PTPRN: variants seen among roughly 807,000 people sequenced by gnomAD.
The protein encoded by PTPRN is receptor-type tyrosine-protein phosphatase-like N.
In PTPRN, 70 loss-of-function variants were observed where a neutral mutation model predicts 108.5. The observed-to-expected ratio is 0.65, with a 90% CI of 0.53 to 0.79. The LOEUF is 0.79. Among genes scored for constraint, PTPRN ranks in the 30% least tolerant of loss-of-function variants. The probability of loss-of-function intolerance (pLI) is 0.00; values close to 1 mark genes in which losing one functional copy is unlikely to be tolerated. For missense variants in PTPRN, 1,136 were observed against 1,295.5 expected (o/e 0.88, Z 1.89); for synonymous variants, 496 against 524.6 (o/e 0.95, Z 0.75).
At position 219,290,786 on chromosome 2, in the gene PTPRN, A is replaced by C. The variant is rs753141948; in HGVS notation, c.2794+40T>G. On this transcript the variant is annotated intron_variant, in intron 21 of 22. Coordinates refer to ENST00000295718, the MANE Select transcript of PTPRN (RefSeq NM_002846.4). This position sits in a 1 kb window ranked among gnomAD's most constrained non-coding sequence, Gnocchi z 4.2. ...CCTGTGTGCTGGGGAGCCTCTAAAA[A>C]GGGCCTGGGGGCTGCGGGCACCGTG... 2.5e-6 allele frequency: 4 copies of C among 1,599,894 alleles called. No individual in the cohort carries two copies. The South Asian group carries it at 4.4e-5, about 18-fold the overall frequency.
intron 1 of PTPRN, chr2:219,308,343 C>G (rs1282639355): frequency 5.6e-6 from 1 of 177,246 alleles, no homozygotes; most frequent in African/African-American, 2.4e-5. Context: ...TGCTGAAGCT[C>G]TGAGTCTGGC....
At chr2:219,303,648 A>G (rs1952412640) in intron 4 of PTPRN, 87 bp downstream of exon 4, 1 of 1,320,660 alleles carries the variant, frequency 7.6e-7, no homozygotes, top group Non-Finnish European at 1.1e-6. Context: ...CTTGGTGCCC[A>G]CTTCCTTCCC....
rs562791333 is a variant in PTPRN at position 219,300,831 on chromosome 2, A to G, written c.1161+112T>C. 1.4e-5 allele frequency: 18 copies of G among 1,268,408 alleles called. No homozygotes were observed. In the African/African-American group the frequency reaches 2.5e-4, roughly 18 times the overall value. 78.6% of individuals were successfully genotyped at this position (1,268,408 alleles called of 1,614,324 possible). On this transcript the variant is annotated intron_variant, in intron 8 of 22. Coordinates refer to ENST00000295718, the MANE Select transcript of PTPRN (RefSeq NM_002846.4). ...GGTCTCTGGGCCTTGGTTTCCCCCA[A>G]AATGAGGGGTGGGAGGATACAGATT...
At position 219,296,232 on chromosome 2, in the gene PTPRN, T is replaced by C. The variant is rs1317061308; in HGVS notation, c.2502A>G (p.Val834=). Residue 834 remains valine (V), a synonymous_variant, in exon 18 of 23, where the codon GTA becomes GTG. Coordinates refer to ENST00000295718, the MANE Select transcript of PTPRN (RefSeq NM_002846.4). This position sits in a 1 kb window ranked among gnomAD's most constrained non-coding sequence, Gnocchi z 6.0. Reference sequence around the variant, plus strand: ...GCTGTGGGGCCCTGCTGACCTCATATACGTGGTAGAGGGAGGCACCCTCAT... The same window carrying C: ...GCTGTGGGGCCCTGCTGACCTCATACACGTGGTAGAGGGAGGCACCCTCAT... ...WPDEGASLYH[V]YEVNLVSEHI... 3.1e-6 allele frequency: 5 copies of C among 1,614,194 alleles called. No homozygotes were observed. The highest frequency in any genetic ancestry group is 1.6e-4 in the Middle Eastern group (1 of 6,062).
At chr2:219,303,874 G>A in intron 3 of PTPRN, 43 bp from the exon 4 acceptor site, 1 of 1,502,692 alleles carries the variant, frequency 6.7e-7, no homozygotes, top group Non-Finnish European at 9.1e-7. Context: ...AGGAGTCTGG[G>A]GATCCAGTAA....
Position 219,295,114 on chromosome 2 carries a change from A to G in PTPRN, c.2536T>C (p.Cys846Arg), listed in dbSNP as rs1209845013. 1.2e-6 allele frequency: 2 copies of G among 1,612,472 alleles called. No individual in the cohort carries two copies. Among genetic ancestry groups the G allele is most frequent in the Admixed American group, 1.7e-5 (1 of 59,876 alleles). Reference sequence around the variant, plus strand: ...AAGCTCCGCACCAGAAAGTCCTCGCACCAGATGTGCTCCGACACCAGGTTC... The same window carrying G: ...AAGCTCCGCACCAGAAAGTCCTCGCGCCAGATGTGCTCCGACACCAGGTTC... ...EVNLVSEHIW[C>R]EDFLVRSFYL... Residue 846 changes from cysteine (C) to arginine (R), a missense_variant, in exon 19 of 23, where the codon TGC becomes CGC. Cys to Arg is a radical substitution (Grantham distance 180, BLOSUM62 -3). Coordinates refer to ENST00000295718, the MANE Select transcript of PTPRN (RefSeq NM_002846.4).
At chr2:219,309,153 T>C in intron 1 of PTPRN, 65 bp downstream of exon 1, 2 of 1,387,790 alleles carry the variant, frequency 1.4e-6, no homozygotes, top group South Asian at 2.5e-5. Context: ...CCCCACCGAG[T>C]TTCGCTCCAG....
At chr2:219,291,664 GC>G in intron 19 of PTPRN, 141 bp from the exon 20 acceptor site, 1 of 882,342 alleles carries the variant, frequency 1.1e-6, no homozygotes, top group Non-Finnish European at 1.8e-6. Flanking sequence ...GGAGAAAGGA[GC>G]CAGGGCTGGA....
rs997263948 is a variant in PTPRN at position 219,299,533 on chromosome 2, G to A, written c.1524-149C>T. 2.6e-6 allele frequency: 3 copies of A among 1,141,192 alleles called. No individual in the cohort carries two copies. In the African/African-American group the frequency reaches 4.6e-5, roughly 18 times the overall value. 70.7% of individuals were successfully genotyped at this position (1,141,192 alleles called of 1,614,324 possible). A position where few individuals can be genotyped will look rare whatever the true frequency, so the allele number is the denominator to read the frequency against. On this transcript the variant is annotated intron_variant, in intron 10 of 22. Coordinates refer to ENST00000295718, the MANE Select transcript of PTPRN (RefSeq NM_002846.4). ...GGGCATCTTAGGCAAGGAAGATGCT[G>A]GGTGGGGCCAGCAACGGGCTGGGTG...
chr2:219,304,014 A>G (rs567011442), intron 3 of PTPRN, 183 bp from the exon 4 acceptor site: 13 of 465,278 alleles, frequency 2.8e-5, no homozygotes, highest in African/African-American at 1.0e-4. Context: ...TATTGGAGCC[A>G]GACCACCTGG....
intron 4 of PTPRN, 127 bp from the exon 5 acceptor site, chr2:219,302,964 G>A (rs1480026199): frequency 1.8e-6 from 2 of 1,131,360 alleles, no homozygotes; most frequent in Admixed American, 2.9e-5. Flanking sequence ...TAGAAACTGA[G>A]TGACCTCAGG....
At chr2:219,293,222 C>T (rs1297541598) in intron 19 of PTPRN, among the ~76,000 whole-genome samples, 1 of 151,854 alleles carries the variant, frequency 6.6e-6, no homozygotes, top group African/African-American at 2.4e-5. Context: ...GCTCTGTTGC[C>T]CAAGTGGCAG....
At chr2:219,302,976 G>T in intron 4 of PTPRN, 139 bp from the exon 5 acceptor site, 104 of 581,114 alleles carry the variant, frequency 1.8e-4, no homozygotes, top group East Asian at 4.2e-4. Flanking sequence ...GACCTCAGGG[G>T]AAGAGAGATG....
At position 219,303,795 on chromosome 2, in the gene PTPRN, A is replaced by T; in HGVS notation, c.317T>A (p.Ile106Asn). Residue 106 changes from isoleucine to asparagine, a missense_variant, in exon 4 of 23, where the codon ATC becomes AAC. Ile to Asn is a moderately radical substitution (Grantham distance 149). Transcript: ENST00000295718. ...SWHDDLTQYV[I>N]SQEMERIPRL... ...GGGGATGCGCTCCATCTCCTGAGAGATCACATACTGGGTGAGGTCATCGTG... is the reference window on the plus strand; with the variant it reads ...GGGGATGCGCTCCATCTCCTGAGAGTTCACATACTGGGTGAGGTCATCGTG... 1.9e-6 allele frequency: 3 copies of T among 1,613,998 alleles called. No individual in the cohort carries two copies. The highest frequency in any genetic ancestry group is 2.5e-6 in the Non-Finnish European group (3 of 1,179,914).
chr2:219,303,225 T>C (rs1194569705), intron 4 of PTPRN, among the ~76,000 whole-genome samples: 6 of 152,168 alleles, frequency 3.9e-5, no homozygotes, highest in Non-Finnish European at 7.3e-5. Context: ...GCTCTCCAAG[T>C]ATATGTCCAA....
Position 219,290,575 on chromosome 2 carries a change from T to C in PTPRN, c.2831A>G (p.His944Arg), listed in dbSNP as rs1224854549. The C allele has an allele frequency of 1.3e-6, 2 of 1,551,658 alleles. No individual in the cohort carries two copies. The highest frequency in any genetic ancestry group is 1.7e-6 in the Non-Finnish European group (2 of 1,147,048). ...AAGGCCAGGCCGCTGGTCACGGACA[T>C]GCTCCAGGGTGGCAGCGATGTCAAT... The part of the protein sequence containing the change: ...KEIDIAATLE[H>R]VRDQRPGLVR... Residue 944 changes from histidine (H) to arginine (R), a missense_variant, in exon 22 of 23, where the codon CAT (histidine) becomes CGT (arginine). By Grantham distance (29) the His-to-Arg change is conservative. Transcript: ENST00000295718. This position sits in a 1 kb window ranked among gnomAD's most constrained non-coding sequence, Gnocchi z 4.2.
At chr2:219,295,558 G>T in intron 18 of PTPRN, 1 of 162,088 alleles carries the variant, frequency 6.2e-6, no homozygotes, top group Non-Finnish European at 1.3e-5. Flanking sequence ...TACTATTCAG[G>T]CTCATCTGGT....
At position 219,301,610 on chromosome 2, in the gene PTPRN, G is replaced by C. The variant is rs1441358204; in HGVS notation, c.1104C>G (p.Pro368=). Residue 368 remains proline, a synonymous_variant, in exon 7 of 23, where the codon CCC becomes CCG. Coordinates refer to ENST00000295718, the MANE Select transcript of PTPRN (RefSeq NM_002846.4). ...STLLTLLQLL[P]KGAGRNPGGV... Reference sequence around the variant, plus strand: ...TACCCGGATTTCTTCCTGCACCCTTGGGCAGTAGCTGCAGCAGGGTCAGGA... The same window carrying C: ...TACCCGGATTTCTTCCTGCACCCTTCGGCAGTAGCTGCAGCAGGGTCAGGA... 3.1e-6 allele frequency: 5 copies of C among 1,612,092 alleles called. No homozygotes were observed. Among genetic ancestry groups the C allele is most frequent in the Non-Finnish European group, 4.2e-6 (5 of 1,178,424 alleles).
chr2:219,296,392 C>T lies in PTPRN; in HGVS notation c.2388+47G>A, dbSNP rs761485756. 6.2e-7 allele frequency: 1 copy of T among 1,614,060 alleles called. No individual in the cohort carries two copies. The highest frequency in any genetic ancestry group is 1.1e-5 in the South Asian group (1 of 91,078). The stretch of plus-strand genomic sequence containing the variant: ...AGCTCCACTCTAACCTCCCTGGGAC[C>T]TCGTGGCCACAAGGACCCCAGCGAA... On this transcript the variant is annotated intron_variant, in intron 17 of 22. Coordinates refer to ENST00000295718, the MANE Select transcript of PTPRN (RefSeq NM_002846.4). The surrounding 1 kb of genome is among the most constrained non-coding windows in gnomAD (Gnocchi z 6.0).
Sources: gnomAD v4.1 joint callset for allele counts (sites outside exome capture counted in the v4.1 genomes callset) on GRCh38, gnomAD v4.1.1 for gene constraint, Gnocchi (gnomAD v3.1) non-coding constraint, MANE v1.5 for transcripts, NCBI Gene and HGNC (gene_info 2026-07-23, HGNC 2026-07-21) for gene names.